The following TMIGD1 variants were observed in gnomAD, a reference collection of about 807,000 sequenced individuals.
TMIGD1 encodes transmembrane and immunoglobulin domain-containing protein 1.
In TMIGD1, 29 loss-of-function variants were observed where a neutral mutation model predicts 27.5. The observed-to-expected ratio is 1.05, with a 90% confidence interval of 0.78 to 1.44. The LOEUF is 1.44. Ranked by LOEUF, TMIGD1 falls within the 40% of genes most tolerant of loss-of-function variation. The probability of loss-of-function intolerance (pLI) is 0.00; values close to 1 mark genes in which losing one functional copy is unlikely to be tolerated. For synonymous variants in TMIGD1, 109 were observed against 110.3 expected (o/e 0.99, Z 0.07); for missense variants, 334 against 310.6 (o/e 1.08, Z -0.57).
chr17:30,321,833 T>C (rs1228805864), intron 4 of TMIGD1, among the ~76,000 whole-genome samples: 1 of 152,138 alleles, frequency 6.6e-6, no homozygotes, highest in African/African-American at 2.4e-5. Flanking sequence ...CAGTTATTAT[T>C]ATAATTATTT....
At chr17:30,319,480 G>A (rs981487317) in intron 4 of TMIGD1, among the ~76,000 whole-genome samples, 1 of 148,576 alleles carries the variant, frequency 6.7e-6, no homozygotes, top group Non-Finnish European at 1.5e-5. Flanking sequence ...GGTAGAGGCA[G>A]GTTTTGAATC....
chr17:30,317,369 G>A (rs2143126270), intron 5 of TMIGD1, 136 bp from the exon 6 acceptor site: 1 of 821,542 alleles, frequency 1.2e-6, no homozygotes, highest in Non-Finnish European at 2.0e-6. Context: ...CATTTTTGGG[G>A]CCACACTAGT....
intron 4 of TMIGD1, among the ~76,000 whole-genome samples, chr17:30,323,721 G>C (rs1037314899): frequency 6.6e-6 from 1 of 152,172 alleles, no homozygotes; most frequent in Non-Finnish European, 1.5e-5. Flanking sequence ...AGGGCATGAG[G>C]CCCACCCTTC....
In TMIGD1 at chr17:30,324,925, A is replaced by G; in HGVS notation, c.531T>C (p.Ser177=). ...CGACTTTGGTGATTGACAGCTGAAA[A>G]GACTCACTTGTCTGTTGGATTTGGT... is the stretch of plus-strand genomic sequence containing the variant. ...SRHQIQQTSE[S]FQLSITKVEK... Residue 177 remains serine (S), a synonymous_variant, in exon 4 of 7, where the codon TCT becomes TCC. Coordinates refer to ENST00000328886, the MANE Select transcript of TMIGD1 (RefSeq NM_206832.3). 4.3e-6 allele frequency: 7 copies of G among 1,614,198 alleles called. No homozygotes were observed. The highest frequency in any genetic ancestry group is 1.6e-4 in the Middle Eastern group (1 of 6,062).
chr17:30,329,238 T>C lies in TMIGD1; in HGVS notation c.361+13A>G. 6.2e-7 allele frequency: 1 copy of C among 1,609,460 alleles called. No homozygotes were observed. Among genetic ancestry groups the C allele is most frequent in the South Asian group, 1.1e-5 (1 of 90,968 alleles). ...TTACAGACCCACTAGCTGTTTCTTT[T>C]CCCCTCACTCACAAGTAACATTCAG... On this transcript the variant is annotated intron_variant, in intron 3 of 6. Coordinates refer to ENST00000328886, the MANE Select transcript of TMIGD1 (RefSeq NM_206832.3).
At chr17:30,319,097 G>GT (rs1186409024) in intron 4 of TMIGD1, among the ~76,000 whole-genome samples, 184 bp from the exon 5 acceptor site, 3 of 151,272 alleles carry the variant, frequency 2.0e-5, no homozygotes, top group African/African-American at 7.3e-5. Flanking sequence ...AGGGGTTAGA[G>GT]TGCTTGTTCA....
At chr17:30,316,857 G>A (rs1425229693) in intron 6 of TMIGD1, 167 bp from the exon 7 acceptor site, 13 of 684,822 alleles carry the variant, frequency 1.9e-5, no homozygotes, top group Non-Finnish European at 3.0e-5. Flanking sequence ...GCAGTATGGG[G>A]ATGAATGTGG....
chr17:30,318,117 AAAC>A (rs1314706647), intron 5 of TMIGD1, among the ~76,000 whole-genome samples: 8 of 152,068 alleles, frequency 5.3e-5, no homozygotes, highest in Non-Finnish European at 1.0e-4. Context: ...GAAAGAAAAG[AAAC>A]AACAACAACT....
At chr17:30,319,261 A>AATATAT (rs1175035556) in intron 4 of TMIGD1, among the ~76,000 whole-genome samples, 12 of 69,032 alleles carry the variant, frequency 1.7e-4, no homozygotes, top group African/African-American at 9.1e-4. Context: ...AAAAAAAAAA[A>AATATAT]ATATATATAT....
intron 4 of TMIGD1, 56 bp from the exon 5 acceptor site, chr17:30,318,969 G>T: frequency 7.9e-7 from 1 of 1,258,070 alleles, no homozygotes; most frequent in Non-Finnish European, 1.2e-6. Flanking sequence ...CTTCCAATAC[G>T]TCCCAGCAAT....
intron 3 of TMIGD1, among the ~76,000 whole-genome samples, chr17:30,327,279 TGGTG>T (rs1442367971): frequency 6.6e-6 from 1 of 152,164 alleles, no homozygotes; most frequent in Non-Finnish European, 1.5e-5. Flanking sequence ...CAGCTCGGCC[TGGTG>T]GTGCACGCCT....
At chr17:30,318,511 A>G (rs1423547780) in intron 5 of TMIGD1, among the ~76,000 whole-genome samples, 1 of 152,224 alleles carries the variant, frequency 6.6e-6, no homozygotes, top group Non-Finnish European at 1.5e-5. Flanking sequence ...CAGGTATCAT[A>G]GCAACAATAA....
At chr17:30,325,291 T>C (rs1441969246) in intron 3 of TMIGD1, among the ~76,000 whole-genome samples, 197 bp from the exon 4 acceptor site, 2 of 152,180 alleles carry the variant, frequency 1.3e-5, no homozygotes, top group Admixed American at 6.5e-5. Flanking sequence ...GAACTTTTAA[T>C]GTGATGAAGA....
intron 4 of TMIGD1, among the ~76,000 whole-genome samples, chr17:30,321,046 C>G (rs960278432): frequency 6.6e-6 from 1 of 152,054 alleles, no homozygotes; most frequent in African/African-American, 2.4e-5. Context: ...TAGGTAGAGA[C>G]AGTGTTTCGC....
intron 4 of TMIGD1, among the ~76,000 whole-genome samples, chr17:30,319,261 A>ATATAT (rs1555600534): frequency 1.7e-4 from 12 of 69,046 alleles, no homozygotes; most frequent in African/African-American, 1.0e-3. Flanking sequence ...AAAAAAAAAA[A>ATATAT]ATATATATAT....
At chr17:30,316,724 C>T (rs1303800581) in intron 6 of TMIGD1, 34 bp from the exon 7 acceptor site, 1 of 1,605,134 alleles carries the variant, frequency 6.2e-7, no homozygotes, top group Non-Finnish European at 8.5e-7. Context: ...AATAATGATG[C>T]TCATAGCAAT....
chr17:30,332,644 T>C (rs1910017340), intron 1 of TMIGD1, among the ~76,000 whole-genome samples: 1 of 152,152 alleles, frequency 6.6e-6, no homozygotes, highest in South Asian at 2.1e-4. Context: ...AATTGAAACA[T>C]GGCCTCTAGT....
chr17:30,325,364 GCAGA>G, intron 3 of TMIGD1, among the ~76,000 whole-genome samples: 1 of 152,252 alleles, frequency 6.6e-6, no homozygotes, highest in Admixed American at 6.5e-5. Context: ...TCTATGACAA[GCAGA>G]CAATTTGTAA....
chr17:30,332,484 C>T (rs1483478690), intron 1 of TMIGD1, among the ~76,000 whole-genome samples: 1 of 152,172 alleles, frequency 6.6e-6, no homozygotes, highest in Non-Finnish European at 1.5e-5. Flanking sequence ...AAACTTGTCT[C>T]ATTCTCAGAC....
Sources: allele counts gnomAD v4.1 joint callset (sites outside exome capture counted in the v4.1 genomes callset), GRCh38; gene constraint gnomAD v4.1.1; transcripts MANE v1.5; gene names NCBI Gene and HGNC (gene_info 2026-07-23, HGNC 2026-07-21).